The following KLF13 variants were observed in gnomAD, a reference collection of about 807,000 sequenced individuals.
KLF13 encodes the protein KLF transcription factor 13.
In KLF13, 8 loss-of-function variants were observed where a neutral mutation model predicts 16.7. That is an observed-to-expected ratio of 0.48 (90% confidence interval 0.28 to 0.87). The LOEUF is 0.87. Ranked by LOEUF, KLF13 falls within the 40% of genes least tolerant of loss-of-function variation. The probability of loss-of-function intolerance (pLI) is 0.10; values close to 1 mark genes in which losing one functional copy is unlikely to be tolerated. For synonymous variants in KLF13, 245 were observed against 208.4 expected, an observed-to-expected ratio of 1.18 and a Z score of -1.51; for missense variants, 447 against 452.2, an observed-to-expected ratio of 0.99 and a Z score of 0.10.
At chr15:31,408,744 G>A (rs2140999476), downstream of KLF13, among the ~76,000 whole-genome samples, 1 of 152,262 alleles carries the variant, frequency 6.6e-6, no homozygotes, top group Admixed American at 6.5e-5. Context: ...ACTTAAAATT[G>A]TAATGATTAG....
intron 1 of KLF13, among the ~76,000 whole-genome samples, chr15:31,353,559 T>G (rs1161836330): frequency 2.6e-5 from 4 of 152,260 alleles, no homozygotes; most frequent in Non-Finnish European, 5.9e-5. Context: ...ACTTCGGGGC[T>G]GCAGAGAACA....
chr15:31,329,872 G>T (rs1392186783), intron 1 of KLF13, among the ~76,000 whole-genome samples: 2 of 152,208 alleles, frequency 1.3e-5, no homozygotes, highest in African/African-American at 4.8e-5. Context: ...GGGTGGCGGG[G>T]AGTTGGGAAG....
intron 1 of KLF13, among the ~76,000 whole-genome samples, chr15:31,348,275 G>A (rs1376967292): frequency 6.6e-6 from 1 of 152,040 alleles, no homozygotes; most frequent in Non-Finnish European, 1.5e-5. Context: ...TCTTCAGCTT[G>A]GTTTTGCACT....
intron 1 of KLF13, among the ~76,000 whole-genome samples, chr15:31,423,155 GTATATATATGTATATA>G (rs1312640422): frequency 9.1e-6 from 1 of 110,096 alleles, no homozygotes; most frequent in Non-Finnish European, 1.7e-5. Context: ...GTATATATAC[GTATATATATGTATATA>G]TATACATATA....
chr15:31,331,693 C>A, intron 1 of KLF13, among the ~76,000 whole-genome samples: 1 of 152,196 alleles, frequency 6.6e-6, no homozygotes, highest in South Asian at 2.1e-4. Context: ...CCCTCGCTGT[C>A]CCAGGCTGCC....
intron 1 of KLF13, among the ~76,000 whole-genome samples, chr15:31,421,637 A>C (rs1595512223): frequency 6.6e-6 from 1 of 152,180 alleles, no homozygotes; most frequent in African/African-American, 2.4e-5. Flanking sequence ...TATCTGTAGA[A>C]GATATACAGA....
chr15:31,423,920 C>G (rs1240470068), intron 1 of KLF13, among the ~76,000 whole-genome samples: 1 of 151,998 alleles, frequency 6.6e-6, no homozygotes, highest in African/African-American at 2.4e-5. Flanking sequence ...ACTAATAGAT[C>G]AATGAAGAAA....
In KLF13 at chr15:31,423,164, T is replaced by TACATATATACGTATATATAC. The variant is rs371896440; in HGVS notation, n.118-12206_118-12205insACATATATACGTATATATAC. The stretch of plus-strand genomic sequence containing the variant: ...GTATACGTATATATACGTATATATA[T>TACATATATACGTATATATAC]GTATATATATACATATATACGTATA... On this transcript the variant is annotated intron_variant and non_coding_transcript_variant, in intron 1 of 1. Coordinates refer to the KLF13 transcript ENST00000558225. 2.0e-4 allele frequency among the ~76,000 whole-genome samples: 5 copies of TACATATATACGTATATATAC among 25,354 alleles called. 1 individual carries two copies. Among genetic ancestry groups the TACATATATACGTATATATAC allele is most frequent in the Non-Finnish European group, 2.5e-4 (4 of 15,706 alleles). The allele number at this position is 25,354 out of a possible 152,430, so 16.6% of individuals were successfully genotyped here.
intron 1 of KLF13, among the ~76,000 whole-genome samples, chr15:31,361,970 TC>T (rs969757016): frequency 1.8e-4 from 28 of 152,170 alleles, no homozygotes; most frequent in African/African-American, 6.5e-4. Flanking sequence ...TTCCCAGTAG[TC>T]CACAGATTCC....
intron 1 of KLF13, among the ~76,000 whole-genome samples, chr15:31,357,140 A>G (rs2039312762): frequency 1.3e-5 from 2 of 151,970 alleles, no homozygotes; most frequent in Non-Finnish European, 2.9e-5. Flanking sequence ...TTCCTTCTGT[A>G]TCTTTACTTT....
chr15:31,415,603 A>C (rs2040245794), intron 1 of KLF13, among the ~76,000 whole-genome samples: 1 of 152,202 alleles, frequency 6.6e-6, no homozygotes, highest in African/African-American at 2.4e-5. Flanking sequence ...GAAAACGAAG[A>C]TACGACATCC....
chr15:31,430,071 C>T (rs2040454023), intron 1 of KLF13, among the ~76,000 whole-genome samples: 1 of 152,006 alleles, frequency 6.6e-6, no homozygotes, highest in Non-Finnish European at 1.5e-5. Context: ...TGCTCTGTTG[C>T]CTTGGTTGGA....
At chr15:31,399,152 A>G (rs938240389) in intron 2 of KLF13, among the ~76,000 whole-genome samples, 3 of 152,112 alleles carry the variant, frequency 2.0e-5, no homozygotes, top group African/African-American at 7.2e-5. Flanking sequence ...TCTGAAAACA[A>G]GGGGCCCCTT....
intron 1 of KLF13, among the ~76,000 whole-genome samples, chr15:31,425,044 G>GA (rs2040384696): frequency 6.6e-6 from 1 of 151,580 alleles, no homozygotes; most frequent in South Asian, 2.1e-4. Context: ...CAAGAGCATT[G>GA]AAAAAAATAA....
At chr15:31,415,471 T>G (rs1189704150) in intron 1 of KLF13, among the ~76,000 whole-genome samples, 1 of 152,106 alleles carries the variant, frequency 6.6e-6, no homozygotes, top group Non-Finnish European at 1.5e-5. Flanking sequence ...AATTAGAAAT[T>G]TATAGCAGGA....
At chr15:31,384,175 A>C (rs1034723310) in intron 1 of KLF13, among the ~76,000 whole-genome samples, 13 of 152,336 alleles carry the variant, frequency 8.5e-5, no homozygotes, top group Admixed American at 1.3e-4. Flanking sequence ...GAGGTGGCTC[A>C]TGCCTGTAAT....
chr15:31,381,923 C>T (rs1200303003), downstream of KLF13, among the ~76,000 whole-genome samples: 5 of 152,198 alleles, frequency 3.3e-5, no homozygotes, highest in Admixed American at 6.5e-5. Context: ...CTGGTGTCTC[C>T]GTGCCAGACG....
rs562483190 is a variant in KLF13, at chr15:31,434,620, C to T, written n.118-750C>T. Among the ~76,000 whole-genome samples the T allele has an allele frequency of 1.2e-4, 19 of 152,264 alleles. 2 individuals carry two copies. The highest frequency in any genetic ancestry group is 4.3e-4 in the African/African-American group (18 of 41,538). Reference sequence around the variant, plus strand: ...ACGTGTCTGGAGCTCCCTGGTTCCACGGGGCTGGACCTGCTAGGGCCTGAA... The same window carrying T: ...ACGTGTCTGGAGCTCCCTGGTTCCATGGGGCTGGACCTGCTAGGGCCTGAA... On this transcript the variant is annotated intron_variant and non_coding_transcript_variant, in intron 1 of 1. Transcript: ENST00000558225.
At chr15:31,408,000 C>G (rs887317195), downstream of KLF13, among the ~76,000 whole-genome samples, 1 of 152,130 alleles carries the variant, frequency 6.6e-6, no homozygotes, top group African/African-American at 2.4e-5. Context: ...TTTCTTAGCT[C>G]TATTATTACT....
Sources: gnomAD v4.1 joint callset for allele counts (sites outside exome capture counted in the v4.1 genomes callset) on GRCh38, gnomAD v4.1.1 for gene constraint, MANE v1.5 for transcripts, NCBI Gene and HGNC (gene_info 2026-07-23, HGNC 2026-07-21) for gene names.